The following ERBB4 variants were observed in gnomAD, a reference collection of about 807,000 sequenced individuals.
ERBB4 encodes the protein erb-b2 receptor tyrosine kinase 4.
Under a neutral mutation model 158.0 loss-of-function variants are expected in ERBB4, and 42 were observed. The ratio of observed to expected loss-of-function variants is 0.27; its 90% CI spans 0.21 to 0.34. ERBB4 has a LOEUF of 0.34. ERBB4 is among the 10% of genes least tolerant of loss of function. The pLI, the probability that ERBB4 is intolerant of heterozygous loss-of-function variation, is 1.00. For synonymous variants in ERBB4, 583 were observed against 558.7 expected, an observed-to-expected ratio of 1.04 and a Z score of -0.61; for missense variants, 1,333 against 1,624.1, an observed-to-expected ratio of 0.82 and a Z score of 3.08.
chr2:211,848,990 A>G (rs1019238127), intron 3 of ERBB4, among the ~76,000 whole-genome samples: 6 of 152,062 alleles, frequency 3.9e-5, no homozygotes, highest in South Asian at 2.1e-4. Flanking sequence ...TCAGCAGGTA[A>G]TGGTTCAAAT....
rs554175324 is a variant in ERBB4 at position 211,673,298 on chromosome 2, A to T, written c.1623-41T>A. 32 of 1,413,750 alleles carry T rather than the reference A, an allele frequency of 2.3e-5. No homozygotes were observed. In the South Asian group the frequency reaches 3.6e-4, roughly 16 times the overall value. The allele number at this position is 1,413,750 out of a possible 1,614,324, so 87.6% of individuals were successfully genotyped here. A position where few individuals can be genotyped will look rare whatever the true frequency, so the allele number is the denominator to read the frequency against. ...CCACATGAGGAGGTGTAAGCAAACA[A>T]GCGTCAACTTAACAAATGAAGTAAC... On this transcript the variant is annotated intron_variant, in intron 13 of 27. Coordinates refer to ENST00000342788, the MANE Select transcript of ERBB4 (RefSeq NM_005235.3).
chr2:212,147,820 T>C (rs1474306892), intron 1 of ERBB4, among the ~76,000 whole-genome samples: 1 of 152,254 alleles, frequency 6.6e-6, no homozygotes, highest in East Asian at 1.9e-4. Flanking sequence ...GAAACTGGCT[T>C]TCTAAACTGA....
chr2:212,412,197 T>G (rs2091519205), intron 1 of ERBB4, among the ~76,000 whole-genome samples: 1 of 152,176 alleles, frequency 6.6e-6, no homozygotes, highest in African/African-American at 2.4e-5. Flanking sequence ...TCCCCCTCCA[T>G]TTTGGTAAAG....
chr2:211,876,835 GT>G (rs1047267349), intron 3 of ERBB4, among the ~76,000 whole-genome samples: 10 of 151,950 alleles, frequency 6.6e-5, no homozygotes, highest in South Asian at 2.1e-4. Flanking sequence ...TTTTTAAAAT[GT>G]TTTTTTATCA....
chr2:211,470,342 CTCCTCTTTG>C (rs1188596174), intron 20 of ERBB4, among the ~76,000 whole-genome samples: 1 of 152,078 alleles, frequency 6.6e-6, no homozygotes, highest in Non-Finnish European at 1.5e-5. Context: ...CCCAGACTGA[CTCCTCTTTG>C]GCTCTCTGAC....
At chr2:211,392,375 T>C (rs553829216) in intron 25 of ERBB4, among the ~76,000 whole-genome samples, 1 of 152,270 alleles carries the variant, frequency 6.6e-6, no homozygotes, top group East Asian at 1.9e-4. Flanking sequence ...AATGTGTCCA[T>C]ATGTGCCAAA....
intron 20 of ERBB4, among the ~76,000 whole-genome samples, chr2:211,515,822 T>G (rs542225169): frequency 2.0e-5 from 3 of 149,562 alleles, no homozygotes; most frequent in Non-Finnish European, 4.4e-5. Flanking sequence ...GCCAGGCAGC[T>G]AAGTCAAGAA....
At chr2:211,773,648 A>ATT (rs1411130961) in intron 4 of ERBB4, among the ~76,000 whole-genome samples, 3 of 71,906 alleles carry the variant, frequency 4.2e-5, no homozygotes, top group African/African-American at 9.8e-5. Context: ...ATATATATAT[A>ATT]ATATATATAC....
intron 20 of ERBB4, among the ~76,000 whole-genome samples, chr2:211,551,245 A>G (rs1473189462): frequency 6.6e-6 from 1 of 152,310 alleles, no homozygotes. Flanking sequence ...CCGCTGACAT[A>G]CACAAAAGGT....
In ERBB4 at chr2:211,561,776, T is replaced by C. The variant is rs1370612470; in HGVS notation, c.2487+127A>G. On this transcript the variant is annotated intron_variant, in intron 20 of 27. Transcript: ENST00000342788. ...AAAGTACCTCTCTGTTATGTATCTT[T>C]CATTGCAGCAAATATACTTTATTTT... The C allele has an allele frequency of 6.0e-6, 5 of 839,562 alleles. No homozygotes were observed. The African/African-American group carries it at 6.7e-5, about 11-fold the overall frequency. 52.0% of individuals were successfully genotyped at this position (839,562 alleles called of 1,614,324 possible).
intron 1 of ERBB4, among the ~76,000 whole-genome samples, chr2:212,474,656 A>G (rs763808793): frequency 2.6e-5 from 4 of 151,908 alleles, no homozygotes; most frequent in Non-Finnish European, 5.9e-5. Context: ...TGACCCACTC[A>G]TCTACTTTAT....
chr2:211,940,706 A>T (rs1336272406), intron 3 of ERBB4, among the ~76,000 whole-genome samples: 1 of 152,146 alleles, frequency 6.6e-6, no homozygotes, highest in African/African-American at 2.4e-5. Flanking sequence ...GCCAGTCATG[A>T]CTGAAAACAT....
chr2:211,676,070 C>T (rs963295128), intron 13 of ERBB4, among the ~76,000 whole-genome samples: 9 of 151,956 alleles, frequency 5.9e-5, no homozygotes, highest in African/African-American at 1.2e-4. Flanking sequence ...ATGATGAGAT[C>T]GTTTGCCCAA....
At chr2:211,987,492 TAAA>T (rs1320410428) in intron 2 of ERBB4, among the ~76,000 whole-genome samples, 1 of 151,742 alleles carries the variant, frequency 6.6e-6, no homozygotes, top group Non-Finnish European at 1.5e-5. Context: ...AAACGAATCT[TAAA>T]GAAAAAAAGG....
At chr2:211,939,964 A>AT (rs1553517036) in intron 3 of ERBB4, among the ~76,000 whole-genome samples, 6 of 137,066 alleles carry the variant, frequency 4.4e-5, no homozygotes, top group Middle Eastern at 4.1e-3. Context: ...AAGGAAAAAA[A>AT]AAATATATAT....
At chr2:211,611,935 A>T (rs550121362) in intron 19 of ERBB4, among the ~76,000 whole-genome samples, 4 of 152,290 alleles carry the variant, frequency 2.6e-5, no homozygotes, top group African/African-American at 9.6e-5. Flanking sequence ...GGCCTATTGC[A>T]TGCATAGGAA....
intron 13 of ERBB4, among the ~76,000 whole-genome samples, chr2:211,673,813 A>C (rs1429864905): frequency 6.6e-6 from 1 of 151,924 alleles, no homozygotes; most frequent in Admixed American, 6.6e-5. Flanking sequence ...ATTAGAGAAA[A>C]CATCTTTTTA....
At chr2:212,013,667 C>T (rs1198006892) in intron 2 of ERBB4, among the ~76,000 whole-genome samples, 1 of 152,140 alleles carries the variant, frequency 6.6e-6, no homozygotes, top group Non-Finnish European at 1.5e-5. Context: ...AGTGATTCAT[C>T]TATAAACTAA....
At chr2:212,030,102 T>C (rs1242621896) in intron 2 of ERBB4, among the ~76,000 whole-genome samples, 1 of 152,144 alleles carries the variant, frequency 6.6e-6, no homozygotes, top group African/African-American at 2.4e-5. Context: ...TCTACTGAGT[T>C]TGGGAAGTTC....
Sources: allele counts gnomAD v4.1 joint callset (sites outside exome capture counted in the v4.1 genomes callset), GRCh38; gene constraint gnomAD v4.1.1; transcripts MANE v1.5; gene names NCBI Gene and HGNC (gene_info 2026-07-23, HGNC 2026-07-21).